Variants in MKX observed in about 807,000 individuals in gnomAD.
The protein encoded by MKX is homeobox protein Mohawk.
In MKX, 13 loss-of-function variants were observed where a neutral mutation model predicts 36.0. The ratio of observed to expected loss-of-function variants is 0.36; its 90% CI spans 0.24 to 0.57. MKX has a LOEUF of 0.57. Ranked by LOEUF, MKX falls within the 20% of genes least tolerant of loss-of-function variation. MKX has a pLI of 0.79. For synonymous variants in MKX, 176 were observed against 178.3 expected (o/e 0.99, Z 0.10); for missense variants, 458 against 456.4 (o/e 1.00, Z -0.03).
chr10:27,724,151 AAAC>A (rs758653003), intron 5 of MKX, among the ~76,000 whole-genome samples: 21 of 152,330 alleles, frequency 1.4e-4, no homozygotes, highest in Non-Finnish European at 2.6e-4. Flanking sequence ...TTTAAAACAA[AAAC>A]AACACACACA....
chr10:27,678,631 G>A lies in MKX; in HGVS notation c.839-3077C>T, dbSNP rs141200052. 4.9e-3 allele frequency among the ~76,000 whole-genome samples: 748 copies of A among 152,260 alleles called. 5 individuals are homozygous for A. Among genetic ancestry groups the A allele is most frequent in the African/African-American group, 0.017 (706 of 41,540 alleles). On this transcript the variant is annotated intron_variant, in intron 5 of 6. Transcript: ENST00000419761. ...AAATATGTTATGGGTTGCAGAACCC[G>A]TCAATGTATCAATGCCATCAATGCA...
intron 5 of MKX, among the ~76,000 whole-genome samples, chr10:27,716,347 C>T (rs993339551): frequency 3.4e-5 from 5 of 147,314 alleles, no homozygotes; most frequent in South Asian, 4.3e-4. Flanking sequence ...CACCTAAGCC[C>T]GGGAGGATGA....
intron 5 of MKX, among the ~76,000 whole-genome samples, chr10:27,681,533 A>G (rs1033672826): frequency 1.3e-5 from 2 of 152,214 alleles, no homozygotes; most frequent in African/African-American, 4.8e-5. Context: ...AGTACATAAT[A>G]CTTGATAATA....
intron 5 of MKX, among the ~76,000 whole-genome samples, chr10:27,722,003 T>C (rs1357227521): frequency 2.0e-5 from 3 of 152,144 alleles, no homozygotes; most frequent in Non-Finnish European, 4.4e-5. Context: ...TCATATAATT[T>C]ACAAAAATAA....
chr10:27,742,430 A>C lies in MKX; in HGVS notation c.188+798T>G, dbSNP rs921278000. ...ACGACTGGTAGTAACATTTTGACGA[A>C]ACCGAATCTCTGTTTTACTAAGCAG... On this transcript the variant is annotated intron_variant, in intron 2 of 6. Transcript: ENST00000419761. The surrounding 1 kb of genome is among the most constrained non-coding windows in gnomAD (Gnocchi z 4.2). 6.6e-6 allele frequency among the ~76,000 whole-genome samples: 1 copy of C among 152,126 alleles called. No homozygotes were observed. Among genetic ancestry groups the C allele is most frequent in the Non-Finnish European group, 1.5e-5 (1 of 68,018 alleles).
At position 27,743,438 on chromosome 10, in the gene MKX, C is replaced by A; in HGVS notation, c.-23G>T. The stretch of plus-strand genomic sequence containing the variant: ...CATGGTGTCGGTTGGTAGGGACGCG[C>A]GGCGCGGCCGCAGAGCCTCGGGGCT... On this transcript the variant is annotated 5_prime_UTR_variant, in exon 2 of 7. Coordinates refer to ENST00000419761, the MANE Select transcript of MKX (RefSeq NM_173576.3). The A allele has an allele frequency of 1.3e-6, 2 of 1,517,482 alleles. No homozygotes were observed. Among genetic ancestry groups the A allele is most frequent in the South Asian group, 1.3e-5 (1 of 78,034 alleles). 94.0% of individuals were successfully genotyped at this position (1,517,482 alleles called of 1,614,324 possible). A position where few individuals can be genotyped will look rare whatever the true frequency, so the allele number is the denominator to read the frequency against.
chr10:27,683,565 G>A (rs568367230), intron 5 of MKX, among the ~76,000 whole-genome samples: 15 of 152,296 alleles, frequency 9.8e-5, no homozygotes, highest in South Asian at 8.3e-4. Flanking sequence ...TTAAAAATCC[G>A]GGGCCTGTGA....
intron 5 of MKX, among the ~76,000 whole-genome samples, chr10:27,731,103 C>T (rs1303916808): frequency 2.1e-5 from 3 of 141,066 alleles, no homozygotes; most frequent in Admixed American, 1.5e-4. Context: ...CACTGCACTC[C>T]AGCCTGAGCG....
At chr10:27,695,531 C>T (rs1836539056) in intron 5 of MKX, among the ~76,000 whole-genome samples, 1 of 152,098 alleles carries the variant, frequency 6.6e-6, no homozygotes, top group South Asian at 2.1e-4. Context: ...TAAAAATCAT[C>T]CTACAAGATA....
At chr10:27,712,106 C>T (rs772308443) in intron 5 of MKX, among the ~76,000 whole-genome samples, 6 of 152,118 alleles carry the variant, frequency 3.9e-5, no homozygotes, top group Admixed American at 3.3e-4. Flanking sequence ...GGCTTGGATA[C>T]AGCTCTGGAG....
chr10:27,700,301 G>A (rs1251151191), intron 5 of MKX, among the ~76,000 whole-genome samples: 1 of 152,094 alleles, frequency 6.6e-6, no homozygotes, highest in Non-Finnish European at 1.5e-5. Context: ...AGATTTCAAG[G>A]AATTTCTGTA....
At chr10:27,694,766 A>T (rs1217061084) in intron 5 of MKX, among the ~76,000 whole-genome samples, 1 of 151,774 alleles carries the variant, frequency 6.6e-6, no homozygotes, top group African/African-American at 2.4e-5. Context: ...ATGGTGAATG[A>T]GCAATGAGAA....
At chr10:27,745,447 G>A (rs1028823077) in intron 1 of MKX, 3 of 152,382 alleles carry the variant, frequency 2.0e-5, no homozygotes, top group Non-Finnish European at 4.4e-5. Flanking sequence ...TGTGGCCGGG[G>A]AGGTCACTCC....
intron 5 of MKX, among the ~76,000 whole-genome samples, chr10:27,699,950 C>G (rs1313579877): frequency 6.6e-6 from 1 of 152,180 alleles, no homozygotes; most frequent in Non-Finnish European, 1.5e-5. Flanking sequence ...GCTGTGTTTA[C>G]TTAGACTTAA....
chr10:27,706,659 G>A (rs573361584), intron 5 of MKX, among the ~76,000 whole-genome samples: 1 of 151,850 alleles, frequency 6.6e-6, no homozygotes, highest in Non-Finnish European at 1.5e-5. Context: ...GATTGGTAAT[G>A]CTGAGCATCT....
rs74345853 is a variant in MKX, at chr10:27,692,939, C to A, written c.839-17385G>T. Among the ~76,000 whole-genome samples, 851 of 152,306 alleles carry A rather than the reference C, an allele frequency of 5.6e-3. 16 individuals carry two copies. Among genetic ancestry groups the A allele is most frequent in the East Asian group, 0.051 (262 of 5,178 alleles). The stretch of plus-strand genomic sequence containing the variant: ...AGATCCACCAGGCGAACAGCTTGGC[C>A]ACTGCTCAACCAAAACGACTGAGGC... On this transcript the variant is annotated intron_variant, in intron 5 of 6. Coordinates refer to ENST00000419761, the MANE Select transcript of MKX (RefSeq NM_173576.3).
chr10:27,712,463 A>G (rs909148689), intron 5 of MKX, among the ~76,000 whole-genome samples: 3 of 152,162 alleles, frequency 2.0e-5, no homozygotes, highest in Non-Finnish European at 2.9e-5. Context: ...CACTACAGGT[A>G]AAGAACATGG....
chr10:27,691,460 A>T (rs921570639), intron 5 of MKX, among the ~76,000 whole-genome samples: 55 of 152,176 alleles, frequency 3.6e-4, no homozygotes, highest in African/African-American at 1.2e-3. Flanking sequence ...TCATAGTAAA[A>T]ATATATATAT....
At position 27,713,812 on chromosome 10, in the gene MKX, C is replaced by T. The variant is rs1252783162; in HGVS notation, c.838+20644G>A. Among the ~76,000 whole-genome samples the T allele has an allele frequency of 9.2e-5, 14 of 151,940 alleles. No homozygotes were observed. In the East Asian group the frequency reaches 2.5e-3, roughly 27 times the overall value. On this transcript the variant is annotated intron_variant, in intron 5 of 6. Transcript: ENST00000419761. The stretch of plus-strand genomic sequence containing the variant: ...AGTAAAAATATTTTTACAATTCAAC[C>T]GTGGATACCATGGATGTTATTGCCC...
Sources: gnomAD v4.1 joint callset for allele counts (sites outside exome capture counted in the v4.1 genomes callset) on GRCh38, gnomAD v4.1.1 for gene constraint, Gnocchi (gnomAD v3.1) non-coding constraint, MANE v1.5 for transcripts, NCBI Gene and HGNC (gene_info 2026-07-23, HGNC 2026-07-21) for gene names.